The following CUL3 variants were observed in gnomAD, a reference collection of about 807,000 sequenced individuals.
The protein encoded by CUL3 is cullin-3.
CUL3 carries 19 observed loss-of-function variants against 89.1 expected under a neutral mutation model. The ratio of observed to expected loss-of-function variants is 0.21; its 90% CI spans 0.15 to 0.31. CUL3 has a LOEUF of 0.31. Among genes scored for constraint, CUL3 ranks in the 10% least tolerant of loss-of-function variants. CUL3 has a pLI of 1.00. For synonymous variants in CUL3, 351 were observed against 308.4 expected, an observed-to-expected ratio of 1.14 and a Z score of -1.45; for missense variants, 469 against 942.3, an observed-to-expected ratio of 0.50 and a Z score of 6.58.
intron 11 of CUL3, chr2:224,499,611 T>C: frequency 4.8e-6 from 1 of 206,576 alleles, no homozygotes; most frequent in Non-Finnish European, 1.1e-5. Flanking sequence ...ATAACTAATC[T>C]ACACCATGCT....
At chr2:224,527,888 G>A (rs944337021) in intron 3 of CUL3, among the ~76,000 whole-genome samples, 3 of 152,088 alleles carry the variant, frequency 2.0e-5, no homozygotes, top group East Asian at 1.9e-4. Flanking sequence ...ACACCCAAGA[G>A]GGAAAATTCT....
At chr2:224,494,985 T>C (rs1692113161) in intron 13 of CUL3, 1 of 152,112 alleles carries the variant, frequency 6.6e-6, no homozygotes, top group East Asian at 1.9e-4. Context: ...AGAGCACATA[T>C]ATCTGACGAA....
intron 2 of CUL3, among the ~76,000 whole-genome samples, chr2:224,552,453 T>A (rs1450188937): frequency 1.3e-5 from 2 of 152,200 alleles, no homozygotes; most frequent in Non-Finnish European, 2.9e-5. Flanking sequence ...GAAGTGCTTT[T>A]ATTAGAGAAA....
chr2:224,507,289 A>T (rs568862255), intron 6 of CUL3, among the ~76,000 whole-genome samples: 1 of 152,192 alleles, frequency 6.6e-6, no homozygotes, highest in Non-Finnish European at 1.5e-5. Context: ...GTCAAAAACC[A>T]TAATAAACAA....
chr2:224,533,877 A>C (rs1230239520), intron 3 of CUL3, among the ~76,000 whole-genome samples: 2 of 152,200 alleles, frequency 1.3e-5, no homozygotes, highest in Non-Finnish European at 2.9e-5. Context: ...AAGCCCTTAC[A>C]AAACCAGGGG....
intron 1 of CUL3, among the ~76,000 whole-genome samples, chr2:224,571,231 C>A (rs1471154529): frequency 6.6e-6 from 1 of 152,050 alleles, no homozygotes; most frequent in African/African-American, 2.4e-5. Flanking sequence ...TACTTACAGA[C>A]CCTCTATATT....
intron 6 of CUL3, 56 bp from the exon 7 acceptor site, chr2:224,507,059 A>C (rs1692629021): frequency 6.5e-7 from 1 of 1,531,882 alleles, no homozygotes; most frequent in Non-Finnish European, 8.9e-7. Flanking sequence ...AAAAACACGA[A>C]TCTCTGTTCA....
rs1367993892 is a variant in CUL3, at chr2:224,495,844, T to G, written c.1830A>C (p.Lys610Asn). 1 of 1,610,236 alleles carries G rather than the reference T, an allele frequency of 6.2e-7. No homozygotes were observed. The highest frequency in any genetic ancestry group is 8.5e-7 in the Non-Finnish European group (1 of 1,177,312). The change falls in exon 13 of 16, where the codon AAA (lysine) becomes AAC (asparagine). Residue 610 changes from lysine (K) to asparagine (N), a missense_variant. Transcript: ENST00000264414. ...CCACAATCCATACCTCAAATGTGTA[T>G]TTTTCTCTATTATTAAAGAGCATTA... ...TILMLFNNRE[K>N]YTFEEIQQET...
chr2:224,553,542 T>C (rs1205799904), intron 2 of CUL3, among the ~76,000 whole-genome samples: 1 of 152,244 alleles, frequency 6.6e-6, no homozygotes, highest in Non-Finnish European at 1.5e-5. Context: ...TGATAATTGT[T>C]ATGGACTGAA....
chr2:224,564,095 G>C (rs1203731333), intron 1 of CUL3, among the ~76,000 whole-genome samples: 1 of 152,086 alleles, frequency 6.6e-6, no homozygotes, highest in Non-Finnish European at 1.5e-5. Context: ...AGACCAGCCT[G>C]GCCAACATGA....
chr2:224,532,079 G>A (rs1693716031), intron 3 of CUL3, among the ~76,000 whole-genome samples: 1 of 152,200 alleles, frequency 6.6e-6, no homozygotes, highest in Non-Finnish European at 1.5e-5. Flanking sequence ...CTGAATGATA[G>A]TGATTATGAG....
chr2:224,568,576 T>C (rs1189269591), intron 1 of CUL3, among the ~76,000 whole-genome samples: 1 of 152,230 alleles, frequency 6.6e-6, no homozygotes, highest in Non-Finnish European at 1.5e-5. Context: ...TTTTAAATAA[T>C]CAAATCTTTT....
chr2:224,566,108 A>G (rs901084249), intron 1 of CUL3, among the ~76,000 whole-genome samples: 1 of 152,182 alleles, frequency 6.6e-6, no homozygotes, highest in Non-Finnish European at 1.5e-5. Flanking sequence ...AAACACTTTA[A>G]GGTCAAGGAT....
intron 2 of CUL3, among the ~76,000 whole-genome samples, chr2:224,537,372 A>G (rs1036460054): frequency 3.3e-5 from 5 of 152,188 alleles, no homozygotes; most frequent in Non-Finnish European, 5.9e-5. Context: ...GGCCTGTACC[A>G]CATAATTTAG....
At chr2:224,573,303 C>T (rs978654655) in intron 1 of CUL3, among the ~76,000 whole-genome samples, 3 of 151,990 alleles carry the variant, frequency 2.0e-5, no homozygotes, top group Non-Finnish European at 4.4e-5. Flanking sequence ...TAATGTGTGT[C>T]GTCGGCCTTA....
chr2:224,495,452 G>A (rs1231907441), intron 13 of CUL3: 1 of 159,072 alleles, frequency 6.3e-6, no homozygotes, highest in African/African-American at 2.4e-5. Context: ...TATAAAGCAG[G>A]TCACTGGCTG....
At chr2:224,507,147 T>G in intron 6 of CUL3, 144 bp from the exon 7 acceptor site, 1 of 578,358 alleles carries the variant, frequency 1.7e-6, no homozygotes, top group Non-Finnish European at 2.8e-6. Flanking sequence ...TATACATATA[T>G]TGATATGAAA....
intron 3 of CUL3, among the ~76,000 whole-genome samples, chr2:224,529,461 CAAA>C (rs34911671): frequency 0.02 from 2,516 of 127,382 alleles, 88 homozygotes; most frequent in African/African-American, 0.068. Context: ...ACTAAAAATA[CAAA>C]AAAAAAAAAA....
At chr2:224,539,723 A>G (rs983691992) in intron 2 of CUL3, among the ~76,000 whole-genome samples, 2 of 152,146 alleles carry the variant, frequency 1.3e-5, no homozygotes, top group African/African-American at 4.8e-5. Context: ...ATACTGTATG[A>G]TCCAACTATA....
Sources: gnomAD v4.1 joint callset for allele counts (sites outside exome capture counted in the v4.1 genomes callset) on GRCh38, gnomAD v4.1.1 for gene constraint, MANE v1.5 for transcripts, NCBI Gene and HGNC (gene_info 2026-07-23, HGNC 2026-07-21) for gene names.